Variants in TMEM183A observed in about 807,000 individuals in gnomAD.
The protein encoded by TMEM183A is transmembrane protein 183A.
A neutral mutation model predicts 46.7 loss-of-function variants in TMEM183A; 21 were observed. The observed-to-expected ratio is 0.45, with a 90% CI of 0.32 to 0.65. TMEM183A has a LOEUF of 0.65. Among genes scored for constraint, TMEM183A ranks in the 30% least tolerant of loss-of-function variants. The pLI, the probability that TMEM183A is intolerant of heterozygous loss-of-function variation, is 0.04. For synonymous variants in TMEM183A, 165 were observed against 180.2 expected, an observed-to-expected ratio of 0.92 and a Z score of 0.68; for missense variants, 331 against 481.9, an observed-to-expected ratio of 0.69 and a Z score of 2.93.
At chr1:203,018,356 T>C in intron 5 of TMEM183A, 125 bp from the exon 6 acceptor site, 3 of 1,093,336 alleles carry the variant, frequency 2.7e-6, no homozygotes, top group Admixed American at 2.8e-5. Flanking sequence ...AATCTCAGCA[T>C]TGGGACCGTG....
chr1:203,014,752 A>G (rs1656998798), intron 3 of TMEM183A, 137 bp from the exon 4 acceptor site: 1 of 1,287,074 alleles, frequency 7.8e-7, no homozygotes, highest in South Asian at 1.6e-5. Context: ...GCAGGAAATG[A>G]TAAGTTTGAG....
At position 203,015,149 on chromosome 1, in the gene TMEM183A, C is replaced by T. The variant is rs73091383; in HGVS notation, c.527+101C>T. The T allele has an allele frequency of 6.1e-4, 925 of 1,517,226 alleles. 12 individuals carry two copies. The South Asian group carries it at 7.3e-3, about 12-fold the overall frequency. The allele number at this position is 1,517,226 out of a possible 1,614,324, so 94.0% of individuals were successfully genotyped here. A position where few individuals can be genotyped will look rare whatever the true frequency, so the allele number is the denominator to read the frequency against. Reference sequence around the variant, plus strand: ...GGATGGTGACCTCTTTTCACTTTCTCTACTCCATGTCTGGGCATGACCCAG... The same window carrying T: ...GGATGGTGACCTCTTTTCACTTTCTTTACTCCATGTCTGGGCATGACCCAG... On this transcript the variant is annotated intron_variant, in intron 4 of 7. Transcript: ENST00000367242.
At chr1:203,007,651 G>C in intron 1 of TMEM183A, 77 bp downstream of exon 1, 1 of 1,531,142 alleles carries the variant, frequency 6.5e-7, no homozygotes, top group Non-Finnish European at 8.8e-7. Context: ...GCCGAGGTGA[G>C]CGCTCGCGTG....
At chr1:203,009,088 G>A (rs2102531705) in intron 3 of TMEM183A, among the ~76,000 whole-genome samples, 1 of 152,248 alleles carries the variant, frequency 6.6e-6, no homozygotes, top group South Asian at 2.1e-4. Flanking sequence ...TTGAGAACAT[G>A]TTATTATCAG....
chr1:203,022,760 C>G, intron 7 of TMEM183A, 95 bp from the exon 8 acceptor site: 1 of 1,528,138 alleles, frequency 6.5e-7, no homozygotes, highest in Non-Finnish European at 9.0e-7. Context: ...TGTGGCCTAG[C>G]CAGTATAAAT....
At chr1:203,019,167 G>A (rs556953476) in intron 6 of TMEM183A, among the ~76,000 whole-genome samples, 1 of 152,270 alleles carries the variant, frequency 6.6e-6, no homozygotes, top group Non-Finnish European at 1.5e-5. Flanking sequence ...TTGGGTTTGT[G>A]GATTTCAGAT....
chr1:203,012,235 TCACACACACACACACA>T lies in TMEM183A; in HGVS notation c.368-2626_368-2611del, dbSNP rs56743654. ...ACTTCAACCATTACTCCCCACTCCA[TCACACACACACACACA>T]CACACACACACACACACACACACAC... On this transcript the variant is annotated intron_variant, in intron 3 of 7. Transcript: ENST00000367242. Among the ~76,000 whole-genome samples the T allele has an allele frequency of 1.2e-4, 10 of 80,834 alleles. No homozygotes were observed. The South Asian group carries it at 2.5e-3, about 20-fold the overall frequency. 53.0% of individuals were successfully genotyped at this position (80,834 alleles called of 152,430 possible). A position where few individuals can be genotyped will look rare whatever the true frequency, so the allele number is the denominator to read the frequency against.
chr1:203,024,576 G>C lies in TMEM183A; in HGVS notation c.*1536G>C, dbSNP rs540597691. ...AACAGCTAACCTTATCCCACGTTGA[G>C]GGTGGTATTAAAACTGTTCACACAG... On this transcript the variant is annotated 3_prime_UTR_variant, in exon 8 of 8. Transcript: ENST00000367242. 3 of 151,862 alleles carry C rather than the reference G, an allele frequency of 2.0e-5. No homozygotes were observed. The East Asian group carries it at 5.8e-4, about 29-fold the overall frequency. 9.4% of individuals were successfully genotyped at this position (151,862 alleles called of 1,614,324 possible).
rs1476582477 is a variant in TMEM183A at position 203,023,499 on chromosome 1, T to C, written c.*459T>C. 1 of 152,830 alleles carries C rather than the reference T, an allele frequency of 6.5e-6. No individual in the cohort carries two copies. Among genetic ancestry groups the C allele is most frequent in the Non-Finnish European group, 1.5e-5 (1 of 68,186 alleles). The allele number at this position is 152,830 out of a possible 1,614,324, so 9.5% of individuals were successfully genotyped here. On this transcript the variant is annotated 3_prime_UTR_variant, in exon 8 of 8. Transcript: ENST00000367242. ...AATATTTTCCCTTCTCCCTTTACCC[T>C]TCTCCAGAAATAAAGCAGGTGACAG...
chr1:203,007,991 C>T, intron 2 of TMEM183A, 128 bp downstream of exon 2: 3 of 1,141,976 alleles, frequency 2.6e-6, no homozygotes, highest in Non-Finnish European at 3.7e-6. Context: ...TGTTAACTTA[C>T]ATATTGGGGT....
chr1:203,014,890 A>G lies in TMEM183A; in HGVS notation c.369A>G (p.Glu123=). 2 of 1,611,826 alleles carry G rather than the reference A, an allele frequency of 1.2e-6. No individual in the cohort carries two copies. Among genetic ancestry groups the G allele is most frequent in the Admixed American group, 1.7e-5 (1 of 59,448 alleles). The change falls in exon 4 of 8, where the codon GAA becomes GAG. Residue 123 remains glutamate, a splice_region_variant and synonymous_variant. Transcript: ENST00000367242. The stretch of plus-strand genomic sequence containing the variant: ...AGATTATTCTTTTTTTTGTTTCAGA[A>G]GAACTGGACGGGGCTGGAGGAGAAG... The part of the protein sequence containing the change: ...SRKKKSKRHK[E]ELDGAGGEEY...
Position 203,007,614 on chromosome 1 carries a change from C to T in TMEM183A, c.109+40C>T, listed in dbSNP as rs201760806. On this transcript the variant is annotated intron_variant, in intron 1 of 7. Transcript: ENST00000367242. ...CAGGGGCGCTGAAACATTTTGGGGG[C>T]TGGCGGCTGGGAGGGGGCTGGACCG... 1.7e-4 allele frequency: 266 copies of T among 1,528,924 alleles called. 4 individuals carry two copies. In the East Asian group the frequency reaches 5.3e-3, roughly 30 times the overall value. The allele number at this position is 1,528,924 out of a possible 1,614,324, so 94.7% of individuals were successfully genotyped here.
At position 203,023,651 on chromosome 1, in the gene TMEM183A, GTGA is replaced by G. The variant is rs1657928323; in HGVS notation, c.*618_*620del. ...ATTTTTTTGCATGAGGCTGATAATG[GTGA>G]TGATGACTTTATACCCTTGGTACTA... On this transcript the variant is annotated 3_prime_UTR_variant, in exon 8 of 8. Transcript: ENST00000367242. 1 of 152,914 alleles carries G rather than the reference GTGA, an allele frequency of 6.5e-6. No individual in the cohort carries two copies. The highest frequency in any genetic ancestry group is 1.5e-5 in the Non-Finnish European group (1 of 68,286). 9.5% of individuals were successfully genotyped at this position (152,914 alleles called of 1,614,324 possible).
rs894999184 is a variant in TMEM183A, at chr1:203,020,875, A to G, written c.872A>G (p.Asp291Gly). Reference sequence around the variant, plus strand: ...GATGTTCATACCAATCCAGACCAGGACTGCTGCCTACTGCAGGTCACCACC... The same window carrying G: ...GATGTTCATACCAATCCAGACCAGGGCTGCTGCCTACTGCAGGTCACCACC... ...YEDVHTNPDQ[D>G]CCLLQVTTLN... Residue 291 changes from aspartate (D) to glycine (G), a missense_variant, in exon 7 of 8, where the codon GAC becomes GGC. Around this residue, in one of 2 missense-constraint regions of TMEM183A, gnomAD observed 233 missense variants for 385.8 expected, o/e 0.60. Transcript: ENST00000367242. The G allele has an allele frequency of 2.5e-6, 4 of 1,613,652 alleles. No homozygotes were observed.
chr1:203,015,623 T>A, intron 4 of TMEM183A: 1 of 252,432 alleles, frequency 4.0e-6, no homozygotes, highest in East Asian at 9.1e-5. Context: ...CTGTGAGATC[T>A]GACTGGAGAA....
At chr1:203,008,963 C>T (rs1373554493) in intron 3 of TMEM183A, among the ~76,000 whole-genome samples, 153 bp downstream of exon 3, 2 of 152,002 alleles carry the variant, frequency 1.3e-5, no homozygotes, top group Admixed American at 1.3e-4. Context: ...GGTAGTGGGC[C>T]GGGATTTAAT....
At chr1:203,012,883 C>A (rs1459792061) in intron 3 of TMEM183A, among the ~76,000 whole-genome samples, 1 of 152,124 alleles carries the variant, frequency 6.6e-6, no homozygotes, top group Non-Finnish European at 1.5e-5. Flanking sequence ...GCATGCACCA[C>A]CATGGCTGGC....
chr1:203,021,442 AAC>A (rs1186687779), intron 7 of TMEM183A, among the ~76,000 whole-genome samples: 1 of 152,336 alleles, frequency 6.6e-6, no homozygotes, highest in East Asian at 1.9e-4. Context: ...GTATATTAGC[AAC>A]AGACAGATTT....
At chr1:203,012,211 C>T (rs1391663009) in intron 3 of TMEM183A, among the ~76,000 whole-genome samples, 1 of 88,148 alleles carries the variant, frequency 1.1e-5, no homozygotes, top group Non-Finnish European at 2.3e-5. Flanking sequence ...GCCATTTTTA[C>T]TTCAACCATT....
Sources: allele counts gnomAD v4.1 joint callset (sites outside exome capture counted in the v4.1 genomes callset), GRCh38; gene constraint gnomAD v4.1.1; regional missense constraint gnomAD v4.1.1; transcripts MANE v1.5; gene names NCBI Gene and HGNC (gene_info 2026-07-23, HGNC 2026-07-21).